The following WDR70 variants were observed in gnomAD, a reference collection of about 807,000 sequenced individuals.
The protein encoded by WDR70 is WD repeat-containing protein 70.
Under a neutral mutation model 88.6 loss-of-function variants are expected in WDR70, and 53 were observed. The ratio of observed to expected loss-of-function variants is 0.60; its 90% confidence interval spans 0.48 to 0.75. The LOEUF is 0.75. Ranked by LOEUF, WDR70 falls within the 30% of genes least tolerant of loss-of-function variation. The pLI, the probability that WDR70 is intolerant of heterozygous loss-of-function variation, is 0.00. For synonymous variants in WDR70, 280 were observed against 270.0 expected, an observed-to-expected ratio of 1.04 and a Z score of -0.36; for missense variants, 610 against 823.2, an observed-to-expected ratio of 0.74 and a Z score of 3.17.
At position 37,445,098 on chromosome 5, in the gene WDR70, C is replaced by T. The variant is rs1420828180; in HGVS notation, c.686+1726C>T. On this transcript the variant is annotated intron_variant, in intron 7 of 17. Transcript: ENST00000265107. ...CTTAACTTGTTTCTTTATCTCCTCT[C>T]CAATATTTCCTGTGGAATATCAAAG... 2.0e-5 allele frequency among the ~76,000 whole-genome samples: 3 copies of T among 152,120 alleles called. No individual in the cohort carries two copies. In the East Asian group the frequency reaches 5.8e-4, roughly 29 times the overall value.
At chr5:37,402,489 A>G (rs1749227315) in intron 5 of WDR70, among the ~76,000 whole-genome samples, 1 of 152,074 alleles carries the variant, frequency 6.6e-6, no homozygotes, top group Admixed American at 6.6e-5. Context: ...CTGGATTATG[A>G]CAGTTTTAGT....
At chr5:37,597,292 CA>C (rs1743732383) in intron 9 of WDR70, among the ~76,000 whole-genome samples, 1 of 152,106 alleles carries the variant, frequency 6.6e-6, no homozygotes, top group Non-Finnish European at 1.5e-5. Flanking sequence ...GTTGCAGTTC[CA>C]TTTTGCATTC....
chr5:37,599,771 T>TA (rs1743808717), intron 9 of WDR70, among the ~76,000 whole-genome samples: 1 of 152,058 alleles, frequency 6.6e-6, no homozygotes, highest in Non-Finnish European at 1.5e-5. Flanking sequence ...CGCGTGCCTG[T>TA]ACTCCTAGCT....
In WDR70 at chr5:37,544,369, C is replaced by T. The variant is rs917186511; in HGVS notation, c.917+27779C>T. 6.6e-5 allele frequency among the ~76,000 whole-genome samples: 10 copies of T among 152,268 alleles called. No individual in the cohort carries two copies. In the East Asian group the frequency reaches 1.9e-3, roughly 29 times the overall value. On this transcript the variant is annotated intron_variant, in intron 9 of 17. Transcript: ENST00000265107. ...CAGACATATTGATACAAATTATCCT[C>T]TCTCCCCACAGTCAATAACATATGT...
At chr5:37,426,978 A>G (rs1750145533) in intron 5 of WDR70, among the ~76,000 whole-genome samples, 1 of 152,056 alleles carries the variant, frequency 6.6e-6, no homozygotes, top group Non-Finnish European at 1.5e-5. Context: ...GTTTCGCTGT[A>G]TTGCCCAGGT....
chr5:37,596,512 CCCTTTTCACTCCTTCCTTTTTACTCTTT>C (rs898111458), intron 9 of WDR70, among the ~76,000 whole-genome samples: 1 of 152,116 alleles, frequency 6.6e-6, no homozygotes, highest in African/African-American at 2.4e-5. Context: ...AGGTTACAGA[CCCTTTTCACTCCTTCCTTTTTACTCTTT>C]CCTCTGCCAG....
intron 13 of WDR70, among the ~76,000 whole-genome samples, chr5:37,707,993 A>G (rs1233527821): frequency 8.9e-6 from 1 of 112,388 alleles, no homozygotes; most frequent in Non-Finnish European, 1.8e-5. Context: ...ATATATATAT[A>G]GTTGATTGAA....
At chr5:37,692,290 A>G (rs972894546) in intron 10 of WDR70, among the ~76,000 whole-genome samples, 3 of 152,214 alleles carry the variant, frequency 2.0e-5, no homozygotes, top group African/African-American at 7.2e-5. Context: ...CCAGAGATAC[A>G]AAGAGGAGCT....
intron 13 of WDR70, among the ~76,000 whole-genome samples, chr5:37,712,055 C>T (rs902790154): frequency 6.8e-6 from 1 of 146,016 alleles, no homozygotes; most frequent in Non-Finnish European, 1.5e-5. Flanking sequence ...TGCAGTGGCA[C>T]GATCTCGGCT....
intron 10 of WDR70, among the ~76,000 whole-genome samples, chr5:37,679,656 C>T (rs1250883842): frequency 6.6e-6 from 1 of 152,200 alleles, no homozygotes; most frequent in African/African-American, 2.4e-5. Context: ...GGGGTGCCTC[C>T]CAGTTAGGCT....
chr5:37,732,572 C>T (rs1224419402), intron 17 of WDR70, among the ~76,000 whole-genome samples: 1 of 151,962 alleles, frequency 6.6e-6, no homozygotes, highest in Non-Finnish European at 1.5e-5. Context: ...TTGTGGTTTT[C>T]ACCTGCATTT....
At chr5:37,492,455 A>G (rs1740094908) in intron 8 of WDR70, among the ~76,000 whole-genome samples, 3 of 152,210 alleles carry the variant, frequency 2.0e-5, no homozygotes, top group Non-Finnish European at 4.4e-5. Flanking sequence ...GTTTTGAACT[A>G]TAAGTATAAT....
chr5:37,398,315 C>G (rs915767096), intron 5 of WDR70, among the ~76,000 whole-genome samples: 3 of 151,692 alleles, frequency 2.0e-5, no homozygotes, highest in African/African-American at 7.3e-5. Flanking sequence ...GTCTCGATCT[C>G]CTGACCTCGT....
chr5:37,562,849 T>G (rs1742557769), intron 9 of WDR70, among the ~76,000 whole-genome samples: 1 of 151,564 alleles, frequency 6.6e-6, no homozygotes, highest in Non-Finnish European at 1.5e-5. Context: ...GTCTACCTCT[T>G]TCTACACAGA....
intron 7 of WDR70, among the ~76,000 whole-genome samples, chr5:37,461,843 C>T (rs1206943231): frequency 6.6e-6 from 1 of 152,114 alleles, no homozygotes; most frequent in Admixed American, 6.6e-5. Flanking sequence ...GTTTTATTAA[C>T]CCTATATTGT....
intron 5 of WDR70, among the ~76,000 whole-genome samples, chr5:37,409,767 A>G (rs1443670125): frequency 6.6e-6 from 1 of 152,084 alleles, no homozygotes; most frequent in Admixed American, 6.6e-5. Context: ...CGGCCTCCCA[A>G]AGTGCTGGGA....
chr5:37,435,285 G>T (rs1233455056), intron 5 of WDR70, among the ~76,000 whole-genome samples: 1 of 152,112 alleles, frequency 6.6e-6, no homozygotes, highest in Non-Finnish European at 1.5e-5. Flanking sequence ...ATGAAATGAG[G>T]TACAAACTAT....
intron 8 of WDR70, among the ~76,000 whole-genome samples, chr5:37,483,589 A>G (rs1739744727): frequency 6.6e-6 from 1 of 152,178 alleles, no homozygotes; most frequent in South Asian, 2.1e-4. Flanking sequence ...CATCGTCATC[A>G]TAGCCCGTTC....
At chr5:37,499,233 C>T (rs367912856) in intron 8 of WDR70, among the ~76,000 whole-genome samples, 3 of 151,978 alleles carry the variant, frequency 2.0e-5, no homozygotes, top group Non-Finnish European at 4.4e-5. Context: ...CCTGCCTCAG[C>T]CTCCCAGGTA....
Sources: allele counts gnomAD v4.1 joint callset (sites outside exome capture counted in the v4.1 genomes callset), GRCh38; gene constraint gnomAD v4.1.1; transcripts MANE v1.5; gene names NCBI Gene and HGNC (gene_info 2026-07-23, HGNC 2026-07-21).